Variants in ENOX2 observed in about 807,000 individuals in gnomAD.
ENOX2 encodes the protein APK1 antigen.
In ENOX2, 36 loss-of-function variants were observed where a neutral mutation model predicts 45.0. The ratio of observed to expected loss-of-function variants is 0.80; its 90% CI spans 0.61 to 1.06. The LOEUF is 1.06. Ranked by LOEUF, ENOX2 falls within the 50% of genes least tolerant of loss-of-function variation. The pLI, the probability that ENOX2 is intolerant of heterozygous loss-of-function variation, is 0.00. For missense variants in ENOX2, 423 were observed against 462.5 expected (o/e 0.91, Z 0.78); for synonymous variants, 174 against 152.3 (o/e 1.14, Z -1.05).
intron 4 of ENOX2, among the ~76,000 whole-genome samples, chrX:130,697,048 A>C (rs1010942465): frequency 9.0e-6 from 1 of 111,023 alleles, no homozygotes; most frequent in Non-Finnish European, 1.9e-5. Context: ...CATATACTGT[A>C]ATCTTTCTTA....
At chrX:130,788,606 T>G (rs749688103) in intron 2 of ENOX2, among the ~76,000 whole-genome samples, 74 of 112,035 alleles carry the variant, frequency 6.6e-4, no homozygotes, top group African/African-American at 2.3e-3. Flanking sequence ...TGTATAACTT[T>G]TAAAAGTTTC....
In ENOX2 at chrX:130,636,520, T is replaced by C. The variant is rs776909329; in HGVS notation, c.1311+709A>G. ...ACTCAGAGGCACTACTCCTTTACTATAGTGAAAGCAGCTGTTGATATCTTT... is the reference window on the plus strand; with the variant it reads ...ACTCAGAGGCACTACTCCTTTACTACAGTGAAAGCAGCTGTTGATATCTTT... On this transcript the variant is annotated intron_variant, in intron 11 of 14. Transcript: ENST00000394363. Among the ~76,000 whole-genome samples the C allele has an allele frequency of 2.7e-5, 3 of 112,620 alleles. No individual in the cohort carries two copies. The South Asian group carries it at 1.1e-3, about 41-fold the overall frequency.
chrX:130,629,280 C>T (rs141040166), intron 13 of ENOX2, among the ~76,000 whole-genome samples: 152 of 112,722 alleles, frequency 1.3e-3, no homozygotes, highest in Non-Finnish European at 2.3e-3. Flanking sequence ...AAATTCTAGA[C>T]GTCTTGGCCA....
Position 130,835,279 on chromosome X carries a change from T to G in ENOX2, c.-182-51589A>C, listed in dbSNP as rs2077910116. ...AAATAGCTATCATTCACAGAGAGTT[T>G]ACTATGCACAAGGCAGTTTACAAAG... On this transcript the variant is annotated intron_variant, in intron 2 of 14. Transcript: ENST00000394363. Among the ~76,000 whole-genome samples the G allele has an allele frequency of 2.7e-5, 3 of 111,817 alleles. No individual in the cohort carries two copies. In the Admixed American group the frequency reaches 2.8e-4, roughly 11 times the overall value.
At chrX:130,775,553 C>T (rs1237777817) in intron 3 of ENOX2, among the ~76,000 whole-genome samples, 2 of 110,636 alleles carry the variant, frequency 1.8e-5, no homozygotes, top group Non-Finnish European at 3.8e-5. Context: ...CCATTTTGCT[C>T]TTCATTTCTA....
At chrX:130,738,651 T>C (rs1910861434) in intron 3 of ENOX2, among the ~76,000 whole-genome samples, 1 of 112,323 alleles carries the variant, frequency 8.9e-6, no homozygotes, top group African/African-American at 3.2e-5. Context: ...ACAAGGGTCA[T>C]TCTGCCCTCC....
chrX:130,688,115 G>A (rs1427405162), intron 5 of ENOX2, among the ~76,000 whole-genome samples: 1 of 111,921 alleles, frequency 8.9e-6, no homozygotes, highest in African/African-American at 3.2e-5. Flanking sequence ...ATGAGGCTTG[G>A]GGCACATGCA....
chrX:130,838,801 C>T (rs1484289774), intron 2 of ENOX2, among the ~76,000 whole-genome samples: 1 of 112,049 alleles, frequency 8.9e-6, no homozygotes, highest in Non-Finnish European at 1.9e-5. Context: ...AGTCTCTTAT[C>T]ACTATGATAT....
intron 2 of ENOX2, among the ~76,000 whole-genome samples, chrX:130,829,129 G>T (rs2077774001): frequency 9.0e-6 from 1 of 111,201 alleles, no homozygotes; most frequent in Admixed American, 9.6e-5. Flanking sequence ...TGGGCTACTT[G>T]TTGCTCTTCG....
At chrX:130,845,797 T>G (rs1838451296) in intron 2 of ENOX2, among the ~76,000 whole-genome samples, 1 of 112,528 alleles carries the variant, frequency 8.9e-6, no homozygotes, top group African/African-American at 3.2e-5. Context: ...GTTAGATAGA[T>G]GTCATTTCAC....
chrX:130,713,444 G>C (rs1018450064), intron 3 of ENOX2, among the ~76,000 whole-genome samples: 11 of 111,563 alleles, frequency 9.9e-5, no homozygotes, highest in Non-Finnish European at 1.3e-4. Context: ...TTGGACCCAG[G>C]GTTCTGGAAT....
At chrX:130,761,828 C>T (rs1234696755) in intron 3 of ENOX2, among the ~76,000 whole-genome samples, 1 of 111,349 alleles carries the variant, frequency 9.0e-6, no homozygotes, top group Non-Finnish European at 1.9e-5. Flanking sequence ...TCCCACCAGG[C>T]CCCACCTCCA....
intron 2 of ENOX2, among the ~76,000 whole-genome samples, chrX:130,814,480 C>A (rs1226767614): frequency 8.9e-6 from 1 of 111,849 alleles, no homozygotes. Flanking sequence ...TCGACAGACA[C>A]TTCATACAGG....
intron 10 of ENOX2, among the ~76,000 whole-genome samples, chrX:130,640,215 GA>G (rs1399461942): frequency 8.9e-6 from 1 of 111,955 alleles, no homozygotes; most frequent in Non-Finnish European, 1.9e-5. Flanking sequence ...GTTTCAACAT[GA>G]ATTTTGGAGG....
chrX:130,633,134 G>C (rs757621025), intron 12 of ENOX2, among the ~76,000 whole-genome samples: 1 of 111,887 alleles, frequency 8.9e-6, no homozygotes, highest in South Asian at 3.8e-4. Flanking sequence ...TTTACTAGCA[G>C]ATTTAAAGAG....
chrX:130,798,097 T>C (rs984519118), intron 2 of ENOX2, among the ~76,000 whole-genome samples: 3 of 110,936 alleles, frequency 2.7e-5, no homozygotes, highest in Non-Finnish European at 5.7e-5. Flanking sequence ...TTGGTCAGGG[T>C]GGAACCTAAG....
chrX:130,862,909 G>C (rs1011653469), intron 2 of ENOX2, among the ~76,000 whole-genome samples: 1 of 111,480 alleles, frequency 9.0e-6, no homozygotes, highest in African/African-American at 3.3e-5. Context: ...ACCAATTCCT[G>C]AGCTACAGAG....
At chrX:130,859,261 G>A (rs947756804) in intron 2 of ENOX2, among the ~76,000 whole-genome samples, 1 of 112,058 alleles carries the variant, frequency 8.9e-6, no homozygotes, top group African/African-American at 3.2e-5. Flanking sequence ...GAACCCGGGA[G>A]GCGGAGGTTG....
chrX:130,791,637 T>C (rs748001179), intron 2 of ENOX2, among the ~76,000 whole-genome samples: 2 of 111,809 alleles, frequency 1.8e-5, no homozygotes, highest in Admixed American at 1.9e-4. Context: ...AAGGTGTATC[T>C]GTAGTTGTGT....
Sources: allele counts gnomAD v4.1 joint callset (sites outside exome capture counted in the v4.1 genomes callset), GRCh38; gene constraint gnomAD v4.1.1; transcripts MANE v1.5; gene names NCBI Gene and HGNC (gene_info 2026-07-23, HGNC 2026-07-21).